ADAM22: variants seen among roughly 807,000 people sequenced by gnomAD.
ADAM22 encodes the protein ADAM metallopeptidase domain 22.
A neutral mutation model predicts 144.6 loss-of-function variants in ADAM22; 65 were observed. The observed-to-expected ratio is 0.45, with a 90% CI of 0.37 to 0.55. The LOEUF (loss-of-function observed/expected upper bound fraction) is 0.55, where lower values mean the gene tolerates loss of function less well. ADAM22 is among the 20% of genes least tolerant of loss of function. The probability of loss-of-function intolerance (pLI) is 0.00; values close to 1 mark genes in which losing one functional copy is unlikely to be tolerated. For missense variants in ADAM22, 974 were observed against 1,184.9 expected, an observed-to-expected ratio of 0.82 and a Z score of 2.61; for synonymous variants, 391 against 412.6, an observed-to-expected ratio of 0.95 and a Z score of 0.63.
At chr7:88,082,721 A>T (rs1338742029) in intron 4 of ADAM22, among the ~76,000 whole-genome samples, 1 of 152,344 alleles carries the variant, frequency 6.6e-6, no homozygotes, top group Middle Eastern at 3.4e-3. Context: ...TATGCAGCCA[A>T]AAAACACATG....
At chr7:88,173,753 T>C (rs1217541850) in intron 26 of ADAM22, among the ~76,000 whole-genome samples, 1 of 152,092 alleles carries the variant, frequency 6.6e-6, no homozygotes, top group Non-Finnish European at 1.5e-5. Context: ...GAATCAGAAA[T>C]CTACTAGTAT....
intron 3 of ADAM22, among the ~76,000 whole-genome samples, chr7:88,045,888 TTGTGTGTGTGTGTGTGTGTG>T (rs59898382): frequency 7.7e-4 from 103 of 134,020 alleles, no homozygotes; most frequent in African/African-American, 2.7e-3. Context: ...TCGTATTCTA[TTGTGTGTGTGTGTGTGTGTG>T]TGTGTGTGTG....
rs1224987743 is a variant in ADAM22 at position 88,114,680 on chromosome 7, G to C, written c.537+33G>C. 1.9e-6 allele frequency: 3 copies of C among 1,605,706 alleles called. No individual in the cohort carries two copies. In the African/African-American group the frequency reaches 4.0e-5, roughly 22 times the overall value. On this transcript the variant is annotated intron_variant, in intron 6 of 31. Coordinates refer to ENST00000413139, the MANE Select transcript of ADAM22 (RefSeq NM_001324418.2). The stretch of plus-strand genomic sequence containing the variant: ...CTCCTTCTGTTTGTTGTGGCAAATG[G>C]AAATGTTTATGCTGAGAGCTTTTTT...
At chr7:88,006,726 A>G (rs1481995726) in intron 3 of ADAM22, among the ~76,000 whole-genome samples, 1 of 129,358 alleles carries the variant, frequency 7.7e-6, no homozygotes, top group African/African-American at 2.8e-5. Context: ...AACTCTCAAT[A>G]AATTAGGTAT....
chr7:88,108,491 G>T (rs1005698897), intron 5 of ADAM22, among the ~76,000 whole-genome samples: 1 of 151,894 alleles, frequency 6.6e-6, no homozygotes, highest in African/African-American at 2.4e-5. Flanking sequence ...ACTTTGGGGG[G>T]GTCTAGGCAG....
At chr7:87,970,030 G>A (rs538243754) in intron 2 of ADAM22, among the ~76,000 whole-genome samples, 36 of 152,142 alleles carry the variant, frequency 2.4e-4, no homozygotes, top group Admixed American at 6.5e-4. Context: ...AGAACTCTCT[G>A]TTAACAGATG....
intron 2 of ADAM22, among the ~76,000 whole-genome samples, chr7:87,974,533 C>T (rs868641979): frequency 6.6e-5 from 10 of 152,208 alleles, no homozygotes; most frequent in South Asian, 6.2e-4. Context: ...TGAGTTTCAG[C>T]CCTGCTGCTG....
At chr7:88,023,223 TCA>T (rs1265733729) in intron 3 of ADAM22, among the ~76,000 whole-genome samples, 7 of 152,204 alleles carry the variant, frequency 4.6e-5, no homozygotes, top group Non-Finnish European at 1.0e-4. Flanking sequence ...ATCTAGGATC[TCA>T]GTTATATCAG....
At chr7:88,127,723 C>G (rs921853417) in intron 8 of ADAM22, among the ~76,000 whole-genome samples, 1 of 151,704 alleles carries the variant, frequency 6.6e-6, no homozygotes, top group Non-Finnish European at 1.5e-5. Context: ...GATTGTATAC[C>G]CTTATCGCAA....
intron 2 of ADAM22, among the ~76,000 whole-genome samples, chr7:87,956,765 G>A (rs1319281180): frequency 6.6e-6 from 1 of 152,070 alleles, no homozygotes; most frequent in Non-Finnish European, 1.5e-5. Context: ...TCATGTTGTA[G>A]CATGTATCAG....
At position 88,196,550 on chromosome 7, in the gene ADAM22, C is replaced by A; in HGVS notation, c.*59C>A. On this transcript the variant is annotated 3_prime_UTR_variant, in exon 32 of 32. Coordinates refer to ENST00000413139, the MANE Select transcript of ADAM22 (RefSeq NM_001324418.2). ...GTTTACTTCAACTTTTATAGAAACCCAGGCTCATGGAATCACTGCAAATCT... is the reference window on the plus strand; with the variant it reads ...GTTTACTTCAACTTTTATAGAAACCAAGGCTCATGGAATCACTGCAAATCT... 1 of 1,569,984 alleles carries A rather than the reference C, an allele frequency of 6.4e-7. No homozygotes were observed. Among genetic ancestry groups the A allele is most frequent in the East Asian group, 2.2e-5 (1 of 44,638 alleles).
chr7:88,182,144 T>C (rs1205685108), intron 29 of ADAM22, 120 bp downstream of exon 29: 1 of 876,902 alleles, frequency 1.1e-6, no homozygotes, highest in Non-Finnish European at 1.7e-6. Flanking sequence ...GTTTTGTCTT[T>C]TAAATTCTTT....
At chr7:88,053,548 AAAAG>A (rs148612491) in intron 3 of ADAM22, among the ~76,000 whole-genome samples, 3,384 of 150,598 alleles carry the variant, frequency 0.022, 72 homozygotes, top group Non-Finnish European at 0.032. Flanking sequence ...GATAACTCAA[AAAAG>A]AAAGAAAGAA....
intron 2 of ADAM22, among the ~76,000 whole-genome samples, chr7:87,951,107 G>A (rs1385705743): frequency 9.2e-5 from 14 of 152,060 alleles, no homozygotes; most frequent in Middle Eastern, 3.4e-3. Flanking sequence ...CACTCTGATG[G>A]TAGTTTCTTT....
chr7:87,973,795 G>T (rs1357540664), intron 2 of ADAM22, among the ~76,000 whole-genome samples: 1 of 152,076 alleles, frequency 6.6e-6, no homozygotes, highest in Non-Finnish European at 1.5e-5. Flanking sequence ...GTAGGGACAT[G>T]GATGAAGCTG....
At chr7:87,934,739 A>C in intron 1 of ADAM22, 189 bp downstream of exon 1, 1 of 650,490 alleles carries the variant, frequency 1.5e-6, no homozygotes, top group Non-Finnish European at 2.6e-6. Context: ...GCGCAGATGC[A>C]CTGGAAGCCT....
intron 3 of ADAM22, among the ~76,000 whole-genome samples, chr7:87,991,065 A>G (rs1161433105): frequency 2.0e-5 from 3 of 152,138 alleles, no homozygotes; most frequent in Non-Finnish European, 4.4e-5. Flanking sequence ...GTGATATTCA[A>G]ATCTTTCTAA....
intron 3 of ADAM22, among the ~76,000 whole-genome samples, chr7:88,014,393 C>A (rs1796103716): frequency 1.3e-5 from 2 of 152,128 alleles, no homozygotes; most frequent in African/African-American, 4.8e-5. Context: ...TTGCACCATT[C>A]TTTAAATCTG....
chr7:87,956,870 C>T (rs909333150), intron 2 of ADAM22, among the ~76,000 whole-genome samples: 7 of 152,082 alleles, frequency 4.6e-5, no homozygotes, highest in East Asian at 1.9e-4. Context: ...ATAATGGTGC[C>T]GTGAACATGT....
Sources: allele counts gnomAD v4.1 joint callset (sites outside exome capture counted in the v4.1 genomes callset), GRCh38; gene constraint gnomAD v4.1.1; transcripts MANE v1.5; gene names NCBI Gene and HGNC (gene_info 2026-07-23, HGNC 2026-07-21).